Variants in NXPE2 observed in about 807,000 individuals in gnomAD.
NXPE2 encodes the protein NXPE family member 2.
In NXPE2, 34 loss-of-function variants were observed where a neutral mutation model predicts 34.4. That is an observed-to-expected ratio of 0.99 (90% confidence interval 0.75 to 1.31). The LOEUF is 1.31. Among genes scored for constraint, NXPE2 ranks in the 40% most tolerant of loss-of-function variants. The pLI is 0.00. For synonymous variants in NXPE2, 235 were observed against 231.3 expected (o/e 1.02, Z -0.15); for missense variants, 649 against 672.5 (o/e 0.97, Z 0.39).
the NXPE2 span, among the ~76,000 whole-genome samples, chr11:114,464,420 T>C: frequency 6.6e-5 from 10 of 152,348 alleles, no homozygotes; most frequent in African/African-American, 2.4e-4. Context: ...GACTTAGTTT[T>C]TTGACATTAT....
chr11:114,805,667 T>C, the NXPE2 span, among the ~76,000 whole-genome samples: 2 of 152,132 alleles, frequency 1.3e-5, no homozygotes, highest in Non-Finnish European at 2.9e-5. Context: ...GCCGAGTTAG[T>C]TGCTTGATTA....
the NXPE2 span, among the ~76,000 whole-genome samples, chr11:114,664,941 G>A: frequency 1.3e-5 from 2 of 152,104 alleles, no homozygotes; most frequent in Non-Finnish European, 2.9e-5. Flanking sequence ...AAGTGGGCTA[G>A]GCTAAGCTAT....
At chr11:114,601,891 T>TAA in the NXPE2 span, among the ~76,000 whole-genome samples, 16 of 57,850 alleles carry the variant, frequency 2.8e-4, no homozygotes, top group South Asian at 7.5e-4. Flanking sequence ...TAATTATATA[T>TAA]TATATTTATA....
chr11:114,656,186 C>T, the NXPE2 span, among the ~76,000 whole-genome samples: 1 of 151,434 alleles, frequency 6.6e-6, no homozygotes, highest in African/African-American at 2.4e-5. Context: ...ACAATTACTA[C>T]AAAGAGAATA....
chr11:114,598,048 C>T, the NXPE2 span, among the ~76,000 whole-genome samples: 3 of 152,082 alleles, frequency 2.0e-5, no homozygotes, highest in East Asian at 5.8e-4. Flanking sequence ...TTAGTTACTT[C>T]CAAGATACAA....
At chr11:114,559,412 T>C in the NXPE2 span, among the ~76,000 whole-genome samples, 1 of 152,204 alleles carries the variant, frequency 6.6e-6, no homozygotes, top group Non-Finnish European at 1.5e-5. Flanking sequence ...CAAAGAAATA[T>C]CAGTTGTAAA....
chr11:114,553,730 C>G, the NXPE2 span: 1 of 985,398 alleles, frequency 1.0e-6, no homozygotes. Context: ...ATCCCAGTGT[C>G]TTTAAGATGC....
the NXPE2 span, among the ~76,000 whole-genome samples, chr11:114,483,309 A>G: frequency 6.6e-6 from 1 of 152,242 alleles, no homozygotes. Context: ...TAATAATAAC[A>G]TATAGGTAGT....
the NXPE2 span, among the ~76,000 whole-genome samples, chr11:114,570,171 G>A: frequency 6.6e-6 from 1 of 152,136 alleles, no homozygotes; most frequent in Non-Finnish European, 1.5e-5. Flanking sequence ...ACCTATGTAC[G>A]GCTGAGCCAG....
chr11:114,705,756 T>C, intron 4 of NXPE2, 25 bp from the exon 5 acceptor site: 1 of 1,351,088 alleles, frequency 7.4e-7, no homozygotes, highest in Non-Finnish European at 9.8e-7. Context: ...TAAAAATTAC[T>C]TAATCTGGAA....
the NXPE2 span, among the ~76,000 whole-genome samples, chr11:114,745,605 G>A: frequency 6.6e-6 from 1 of 152,094 alleles, no homozygotes; most frequent in African/African-American, 2.4e-5. Context: ...TATATTAAAT[G>A]TAATTCCAGG....
At chr11:114,553,479 G>A in the NXPE2 span, among the ~76,000 whole-genome samples, 2 of 152,300 alleles carry the variant, frequency 1.3e-5, no homozygotes, top group African/African-American at 4.8e-5. Context: ...AGTGGCCAGA[G>A]AGCTTCTTTG....
the NXPE2 span, among the ~76,000 whole-genome samples, chr11:114,594,304 T>C: frequency 6.6e-6 from 1 of 152,092 alleles, no homozygotes; most frequent in Non-Finnish European, 1.5e-5. Flanking sequence ...CATAAATACA[T>C]ACACCTACTT....
chr11:114,468,228 G>T, the NXPE2 span, among the ~76,000 whole-genome samples: 6 of 152,160 alleles, frequency 3.9e-5, no homozygotes, highest in African/African-American at 1.2e-4. Context: ...TGGGCCACAG[G>T]TTGGACACAT....
Position 114,701,317 on chromosome 11 carries a change from T to C in NXPE2, c.866+2539T>C, listed in dbSNP as rs71486275. 4.5e-3 allele frequency among the ~76,000 whole-genome samples: 683 copies of C among 152,234 alleles called. 2 individuals carry two copies. Among genetic ancestry groups the C allele is most frequent in the Middle Eastern group, 0.017 (5 of 294 alleles). On this transcript the variant is annotated intron_variant, in intron 3 of 5. Transcript: ENST00000389586. The stretch of plus-strand genomic sequence containing the variant: ...AGCTGGATCCCTCTTGAGGTGGTCC[T>C]CATTGAAGCCTGGGTTGAAGGTACC...
chr11:114,502,381 A>G, the NXPE2 span, among the ~76,000 whole-genome samples: 1 of 152,018 alleles, frequency 6.6e-6, no homozygotes, highest in Non-Finnish European at 1.5e-5. Flanking sequence ...TTATTTTTAT[A>G]TTTCCATCCT....
chr11:114,560,375 ATCCTTCT>A, the NXPE2 span, among the ~76,000 whole-genome samples: 1 of 148,156 alleles, frequency 6.7e-6, no homozygotes, highest in East Asian at 2.0e-4. Flanking sequence ...GGCCCAAGCC[ATCCTTCT>A]GCCTTGGGCC....
At chr11:114,527,641 T>G in the NXPE2 span, among the ~76,000 whole-genome samples, 136 of 152,350 alleles carry the variant, frequency 8.9e-4, no homozygotes, top group Admixed American at 2.6e-3. Context: ...ACTTTCTCCT[T>G]TTGGATATAT....
chr11:114,551,418 T>A, the NXPE2 span: 1 of 1,320,862 alleles, frequency 7.6e-7, no homozygotes, highest in Non-Finnish European at 9.6e-7. Flanking sequence ...TCACTCAGGA[T>A]TGTTGCTTCC....
Sources: allele counts gnomAD v4.1 joint callset (sites outside exome capture counted in the v4.1 genomes callset), GRCh38; gene constraint gnomAD v4.1.1; transcripts MANE v1.5; gene names NCBI Gene and HGNC (gene_info 2026-07-23, HGNC 2026-07-21).